SZT2: variants seen among roughly 807,000 people sequenced by gnomAD.
SZT2 encodes the protein SZT2 subunit of KICSTOR complex, also known as KICSTOR complex protein SZT2.
Under a neutral mutation model 404.2 loss-of-function variants are expected in SZT2, and 216 were observed. The ratio of observed to expected loss-of-function variants is 0.53; its 90% CI spans 0.48 to 0.60. The LOEUF is 0.60. Ranked by LOEUF, SZT2 falls within the 20% of genes least tolerant of loss-of-function variation. SZT2 has a pLI of 0.00. For synonymous variants in SZT2, 1,693 were observed against 1,749.9 expected, an observed-to-expected ratio of 0.97 and a Z score of 0.81; for missense variants, 3,857 against 4,459.2, an observed-to-expected ratio of 0.86 and a Z score of 3.85.
Position 43,437,068 on chromosome 1 carries a change from A to T in SZT2, c.6035-103A>T. On this transcript the variant is annotated intron_variant, in intron 42 of 71. Coordinates refer to ENST00000634258, the MANE Select transcript of SZT2 (RefSeq NM_001365999.1). This position sits in a 1 kb window ranked among gnomAD's most constrained non-coding sequence, Gnocchi z 5.3. ...CATTTCTCTGCAATAGTCAGGGATG[A>T]GTCTGGAGGAGTGAGGACAAGTAGG... The T allele has an allele frequency of 7.1e-7, 1 of 1,414,108 alleles. No homozygotes were observed. Among genetic ancestry groups the T allele is most frequent in the Non-Finnish European group, 9.7e-7 (1 of 1,030,074 alleles). The allele number at this position is 1,414,108 out of a possible 1,614,324, so 87.6% of individuals were successfully genotyped here.
chr1:43,407,608 A>G (rs899599557), intron 4 of SZT2, among the ~76,000 whole-genome samples: 8 of 152,088 alleles, frequency 5.3e-5, no homozygotes, highest in Non-Finnish European at 1.2e-4. Flanking sequence ...TGAAAGAATT[A>G]TTTGAGGCCA....
Position 43,452,198 on chromosome 1 carries a change from T to C in SZT2, c.*1718T>C, listed in dbSNP as rs750341274. The stretch of plus-strand genomic sequence containing the variant: ...TGTAAGTACGTGTGTGTTTCCACCT[T>C]TCTCACCTGAGCCAAAACCCCAGCT... On this transcript the variant is annotated 3_prime_UTR_variant, in exon 72 of 72. Coordinates refer to ENST00000634258, the MANE Select transcript of SZT2 (RefSeq NM_001365999.1). The C allele has an allele frequency of 6.2e-7, 1 of 1,608,618 alleles. No homozygotes were observed. The highest frequency in any genetic ancestry group is 8.5e-7 in the Non-Finnish European group (1 of 1,176,558).
At chr1:43,392,873 ATCAT>A (rs1316961600) in intron 1 of SZT2, among the ~76,000 whole-genome samples, 1 of 152,226 alleles carries the variant, frequency 6.6e-6, no homozygotes, top group Non-Finnish European at 1.5e-5. Context: ...GATTTAGGAA[ATCAT>A]TCATTCATCA....
At position 43,451,195 on chromosome 1, in the gene SZT2, A is replaced by G; in HGVS notation, c.*715A>G. ...TCTTTAATGCAGAGGAGGAGATGGG[A>G]TGTCACTCGCTGTCTGGAGGCACGT... On this transcript the variant is annotated 3_prime_UTR_variant, in exon 72 of 72. Transcript: ENST00000634258. 1 of 1,551,394 alleles carries G rather than the reference A, an allele frequency of 6.4e-7. No individual in the cohort carries two copies. The highest frequency in any genetic ancestry group is 8.9e-7 in the Non-Finnish European group (1 of 1,122,988).
chr1:43,451,801 T>A lies in SZT2; in HGVS notation c.*1321T>A. 6.2e-7 allele frequency: 1 copy of A among 1,613,966 alleles called. No individual in the cohort carries two copies. The highest frequency in any genetic ancestry group is 1.1e-5 in the South Asian group (1 of 91,066). The stretch of plus-strand genomic sequence containing the variant: ...CGAAGTACCCCCTTCCACTTACCAT[T>A]TGTAATTGGAGGTTGGGTCTTCCTA... On this transcript the variant is annotated 3_prime_UTR_variant, in exon 72 of 72. Transcript: ENST00000634258.
intron 65 of SZT2, 153 bp from the exon 66 acceptor site, chr1:43,446,802 G>A (rs553413686): frequency 1.3e-6 from 1 of 744,252 alleles, no homozygotes; most frequent in Non-Finnish European, 2.2e-6. Context: ...GAATGGGGAG[G>A]CCTTCCCACA....
At chr1:43,444,738 A>G (rs1225909958) in intron 62 of SZT2, among the ~76,000 whole-genome samples, 1 of 152,060 alleles carries the variant, frequency 6.6e-6, no homozygotes, top group African/African-American at 2.4e-5. Context: ...CCCCTGCTCT[A>G]TGTTCCTCTC....
chr1:43,393,225 G>A (rs1648614847), intron 1 of SZT2, among the ~76,000 whole-genome samples: 1 of 152,184 alleles, frequency 6.6e-6, no homozygotes, highest in Admixed American at 6.5e-5. Flanking sequence ...GTGAGAAGGA[G>A]CCCAGTGGAG....
At chr1:43,432,678 G>A in intron 38 of SZT2, 50 bp from the exon 39 acceptor site, 1 of 1,613,218 alleles carries the variant, frequency 6.2e-7, no homozygotes, top group African/African-American at 1.3e-5. Flanking sequence ...TTGGAGGGAG[G>A]CCCTAGACAG....
chr1:43,435,539 A>G (rs1252269249), intron 42 of SZT2, among the ~76,000 whole-genome samples: 2 of 152,222 alleles, frequency 1.3e-5, no homozygotes, highest in African/African-American at 2.4e-5. Flanking sequence ...AAGTAATTTC[A>G]GTAGAGAGAT....
In SZT2 at chr1:43,438,697, A is replaced by G; in HGVS notation, c.6509-2A>G. The G allele has an allele frequency of 6.2e-7, 1 of 1,613,862 alleles. No individual in the cohort carries two copies. Among genetic ancestry groups the G allele is most frequent in the Non-Finnish European group, 8.5e-7 (1 of 1,179,862 alleles). On this transcript the variant is annotated splice_acceptor_variant, in intron 46 of 71. Coordinates refer to ENST00000634258, the MANE Select transcript of SZT2 (RefSeq NM_001365999.1). LOFTEE classifies it high-confidence loss of function. ...CCACCTTCCCACCATGGCTGTGTCA[A>G]GGTCCTGAGATCACGGATGAGCTCG...
At position 43,450,219 on chromosome 1, in the gene SZT2, C is replaced by A; in HGVS notation, c.10155+48C>A. 6.2e-7 allele frequency: 1 copy of A among 1,613,886 alleles called. No homozygotes were observed. The highest frequency in any genetic ancestry group is 8.5e-7 in the Non-Finnish European group (1 of 1,179,784). On this transcript the variant is annotated intron_variant, in intron 71 of 71. Coordinates refer to ENST00000634258, the MANE Select transcript of SZT2 (RefSeq NM_001365999.1). The surrounding 1 kb of genome is among the most constrained non-coding windows in gnomAD (Gnocchi z 4.3). ...GTGTCAGCCTCATGGGAGGCCGTAC[C>A]CCAAATGCTCCACCTCGGAGCCTGC...
chr1:43,444,395 C>G (rs903830026), intron 62 of SZT2, among the ~76,000 whole-genome samples: 8 of 152,278 alleles, frequency 5.3e-5, no homozygotes, highest in African/African-American at 1.9e-4. Flanking sequence ...TCACGCCCGG[C>G]CTGCACATGT....
In SZT2 at chr1:43,433,182, A is replaced by G. The variant is rs1654106152; in HGVS notation, c.5796A>G (p.Ala1932=). Residue 1932 remains alanine (A), a synonymous_variant, in exon 40 of 72, where the codon GCA becomes GCG. Transcript: ENST00000634258. ...RVLQDRVEVY[A]HARSLIREDG... is the part of the protein sequence containing the mutation. ...TGCAGGACCGTGTGGAAGTGTATGC[A>G]CATGCACGGTAAGTAGAAGCCAGGG... The G allele has an allele frequency of 1.9e-6, 3 of 1,613,512 alleles. No homozygotes were observed. The East Asian group carries it at 6.7e-5, about 36-fold the overall frequency.
chr1:43,435,441 C>A, intron 42 of SZT2, 112 bp downstream of exon 42: 2 of 1,251,890 alleles, frequency 1.6e-6, no homozygotes, highest in Non-Finnish European at 2.2e-6. Flanking sequence ...TCATCAGTGC[C>A]AAGTACTAGA....
chr1:43,404,582 C>A, intron 4 of SZT2, 32 bp downstream of exon 4: 1 of 1,596,328 alleles, frequency 6.3e-7, no homozygotes, highest in South Asian at 1.1e-5. Context: ...TTTGTACCCT[C>A]AGACCAAATT....
rs1274369124 is a variant in SZT2 at position 43,448,607 on chromosome 1, C to G, written c.9970-5C>G. On this transcript the variant is annotated splice_polypyrimidine_tract_variant and splice_region_variant and intron_variant, in intron 69 of 71. Transcript: ENST00000634258. The surrounding 1 kb of genome is among the most constrained non-coding windows in gnomAD (Gnocchi z 4.2). ...GAAGACTCAGGCCTGTGGCTCCTCC[C>G]TCAGGACTGCTTCCTATCCATGACG... 1.9e-6 allele frequency: 3 copies of G among 1,614,028 alleles called. No homozygotes were observed. Among genetic ancestry groups the G allele is most frequent in the Non-Finnish European group, 2.5e-6 (3 of 1,180,024 alleles).
chr1:43,429,888 C>T (rs1311209059), intron 29 of SZT2, 44 bp downstream of exon 29: 1 of 1,613,138 alleles, frequency 6.2e-7, no homozygotes, highest in African/African-American at 1.3e-5. Flanking sequence ...AGAGTCCTGC[C>T]TGTGCAGAGG....
chr1:43,403,684 C>T lies in SZT2; in HGVS notation c.237C>T (p.Phe79=). The T allele has an allele frequency of 6.2e-7, 1 of 1,614,194 alleles. No individual in the cohort carries two copies. Among genetic ancestry groups the T allele is most frequent in the Non-Finnish European group, 8.5e-7 (1 of 1,180,044 alleles). ...QPDEPVVPRP[F]LLVPSTRVTF... is the part of the protein sequence containing the mutation. ...ATGAACCAGTGGTCCCAAGGCCATT[C>T]CTCCTGGTACCTTCCACCCGGGTCA... is the stretch of plus-strand genomic sequence containing the variant. Residue 79 remains phenylalanine (F), a synonymous_variant, in exon 3 of 72, where the codon TTC becomes TTT. Transcript: ENST00000634258.
Sources: allele counts gnomAD v4.1 joint callset (sites outside exome capture counted in the v4.1 genomes callset), GRCh38; gene constraint gnomAD v4.1.1; non-coding constraint Gnocchi (gnomAD v3.1); transcripts MANE v1.5; gene names NCBI Gene and HGNC (gene_info 2026-07-23, HGNC 2026-07-21).